MELK: variants seen among roughly 807,000 people sequenced by gnomAD.
The protein encoded by MELK is maternal embryonic leucine zipper kinase.
In MELK, 81 loss-of-function variants were observed where a neutral mutation model predicts 85.0. The ratio of observed to expected loss-of-function variants is 0.95; its 90% CI spans 0.80 to 1.15. MELK has a LOEUF of 1.15. Among genes scored for constraint, MELK ranks in the 50% most tolerant of loss-of-function variants. MELK has a pLI of 0.00. For synonymous variants in MELK, 252 were observed against 265.0 expected, an observed-to-expected ratio of 0.95 and a Z score of 0.48; for missense variants, 754 against 777.5, an observed-to-expected ratio of 0.97 and a Z score of 0.36.
intron 10 of MELK, among the ~76,000 whole-genome samples, chr9:36,633,837 G>C (rs1828868572): frequency 6.6e-6 from 1 of 152,170 alleles, no homozygotes. Context: ...AGGTTGTTTT[G>C]ATTGAAGCCA....
At chr9:36,595,096 T>G (rs1824056396) in intron 5 of MELK, among the ~76,000 whole-genome samples, 1 of 151,664 alleles carries the variant, frequency 6.6e-6, no homozygotes, top group African/African-American at 2.4e-5. Flanking sequence ...CCGGCTAATT[T>G]TTTTATTTTT....
chr9:36,589,573 TGAA>T lies in MELK; in HGVS notation c.186_188del (p.Lys62del). On this transcript the variant is annotated inframe_deletion, in exon 4 of 18. Transcript: ENST00000298048. ...CGGATCAAAACGGAGATTGAGGCCT[TGAA>T]GAACCTGAGACATCAGCATATATGT... 1.2e-6 allele frequency: 2 copies of T among 1,614,114 alleles called. No homozygotes were observed. The highest frequency in any genetic ancestry group is 1.7e-6 in the Non-Finnish European group (2 of 1,179,978).
chr9:36,675,518 TTGTC>T (rs1335418360), intron 17 of MELK, among the ~76,000 whole-genome samples: 2 of 152,326 alleles, frequency 1.3e-5, no homozygotes, highest in African/African-American at 2.4e-5. Flanking sequence ...TTTCCTTTGA[TTGTC>T]TGCTTTACAA....
chr9:36,632,000 CTGAATAAATACT>C (rs1419515068), intron 9 of MELK, among the ~76,000 whole-genome samples: 2 of 152,182 alleles, frequency 1.3e-5, no homozygotes, highest in Non-Finnish European at 2.9e-5. Context: ...TTAGTAGATA[CTGAATAAATACT>C]TGAATGAGTT....
rs759122135 is a variant in MELK at position 36,607,649 on chromosome 9, A to C, written c.642A>C (p.Val214=). 8.1e-6 allele frequency: 13 copies of C among 1,607,388 alleles called. No homozygotes were observed. The highest frequency in any genetic ancestry group is 1.0e-5 in the Non-Finnish European group (12 of 1,173,932). Reference sequence around the variant, plus strand: ...TTCTACCATTTGATGATGATAATGTAATGGCTTTATACAAGAAGATTATGG... The same window carrying C: ...TTCTACCATTTGATGATGATAATGTCATGGCTTTATACAAGAAGATTATGG... ...CGFLPFDDDN[V]MALYKKIMRG... is the part of the protein sequence containing the mutation. Residue 214 remains valine (V), a synonymous_variant, in exon 8 of 18, where the codon GTA becomes GTC. Coordinates refer to ENST00000298048, the MANE Select transcript of MELK (RefSeq NM_014791.4).
At chr9:36,649,941 TTA>T (rs1477207011) in intron 11 of MELK, among the ~76,000 whole-genome samples, 4 of 61,616 alleles carry the variant, frequency 6.5e-5, no homozygotes, top group Non-Finnish European at 1.1e-4. Context: ...TTTAATTAAA[TTA>T]ATTAATTTAT....
intron 11 of MELK, among the ~76,000 whole-genome samples, chr9:36,649,613 A>C (rs1428778517): frequency 1.3e-5 from 2 of 152,098 alleles, no homozygotes; most frequent in Non-Finnish European, 2.9e-5. Flanking sequence ...TACTAAAAAT[A>C]CAAAAATTAG....
intron 16 of MELK, among the ~76,000 whole-genome samples, chr9:36,671,511 A>G (rs963405315): frequency 6.6e-5 from 10 of 152,202 alleles, no homozygotes; most frequent in African/African-American, 2.2e-4. Context: ...TCCCTGATTC[A>G]TGGATACTTT....
chr9:36,609,949 A>G (rs1022875166), intron 8 of MELK, among the ~76,000 whole-genome samples: 3 of 152,182 alleles, frequency 2.0e-5, no homozygotes, highest in African/African-American at 7.2e-5. Flanking sequence ...CAGAGTGTAA[A>G]TGAAATTAAT....
intron 5 of MELK, among the ~76,000 whole-genome samples, chr9:36,595,659 G>A (rs1336363335): frequency 6.8e-6 from 1 of 146,490 alleles, no homozygotes; most frequent in Non-Finnish European, 1.5e-5. Flanking sequence ...AGGCTGGAGT[G>A]CAGTGGCATG....
chr9:36,647,547 G>A (rs1170030343), intron 11 of MELK, among the ~76,000 whole-genome samples: 2 of 150,550 alleles, frequency 1.3e-5, no homozygotes, highest in African/African-American at 2.5e-5. Context: ...GCAGTGCAGC[G>A]GCAGAATCTC....
chr9:36,608,013 G>C (rs1339146394), intron 8 of MELK, among the ~76,000 whole-genome samples: 1 of 152,118 alleles, frequency 6.6e-6, no homozygotes, highest in Non-Finnish European at 1.5e-5. Flanking sequence ...GGGCGCGGTG[G>C]CTCACGCCTG....
At chr9:36,608,062 C>T (rs954151226) in intron 8 of MELK, among the ~76,000 whole-genome samples, 5 of 151,930 alleles carry the variant, frequency 3.3e-5, no homozygotes, top group South Asian at 2.1e-4. Flanking sequence ...TGGCAGATCA[C>T]GAGGTCAGGA....
intron 8 of MELK, among the ~76,000 whole-genome samples, chr9:36,624,785 A>G (rs915154414): frequency 6.6e-6 from 1 of 152,200 alleles, no homozygotes; most frequent in African/African-American, 2.4e-5. Context: ...ATTGAAAGGC[A>G]TAATGTCTCC....
intron 1 of MELK, among the ~76,000 whole-genome samples, chr9:36,578,193 T>G (rs912834206): frequency 2.6e-5 from 4 of 152,112 alleles, no homozygotes; most frequent in African/African-American, 9.7e-5. Flanking sequence ...TGCTTTTAAG[T>G]CTTTACAACT....
At chr9:36,622,886 C>T (rs1827577315) in intron 8 of MELK, among the ~76,000 whole-genome samples, 1 of 152,188 alleles carries the variant, frequency 6.6e-6, no homozygotes, top group Non-Finnish European at 1.5e-5. Context: ...TCTTTTCTCC[C>T]TCTCTTCACT....
At chr9:36,611,390 A>G (rs1431437659) in intron 8 of MELK, among the ~76,000 whole-genome samples, 1 of 152,102 alleles carries the variant, frequency 6.6e-6, no homozygotes, top group Non-Finnish European at 1.5e-5. Flanking sequence ...TTTATATTTA[A>G]TCCTCACTAA....
chr9:36,624,587 A>T (rs1477180662), intron 8 of MELK, among the ~76,000 whole-genome samples: 2 of 152,250 alleles, frequency 1.3e-5, no homozygotes, highest in African/African-American at 4.8e-5. Context: ...AGCAAAGCAC[A>T]GGGGAATCTA....
intron 13 of MELK, among the ~76,000 whole-genome samples, chr9:36,664,164 A>G (rs1180247903): frequency 2.0e-5 from 3 of 151,976 alleles, no homozygotes; most frequent in Non-Finnish European, 4.4e-5. Context: ...AGAAGTTTTT[A>G]TTCTTTTTCA....
Sources: allele counts gnomAD v4.1 joint callset (sites outside exome capture counted in the v4.1 genomes callset), GRCh38; gene constraint gnomAD v4.1.1; transcripts MANE v1.5; gene names NCBI Gene and HGNC (gene_info 2026-07-23, HGNC 2026-07-21).